Variants in CTNND2 observed in about 807,000 individuals in gnomAD.
The protein encoded by CTNND2 is catenin delta-2.
In CTNND2, 22 loss-of-function variants were observed where a neutral mutation model predicts 144.4. The ratio of observed to expected loss-of-function variants is 0.15; its 90% confidence interval spans 0.11 to 0.22. The LOEUF (loss-of-function observed/expected upper bound fraction) is 0.22. Ranked by LOEUF, CTNND2 falls within the 10% of genes least tolerant of loss-of-function variation. CTNND2 has a pLI of 1.00. For synonymous variants in CTNND2, 751 were observed against 695.6 expected (o/e 1.08, Z -1.25); for missense variants, 1,353 against 1,618.8 (o/e 0.84, Z 2.82).
intron 3 of CTNND2, among the ~76,000 whole-genome samples, chr5:11,537,131 G>T (rs1774280938): frequency 6.6e-6 from 1 of 151,674 alleles, no homozygotes; most frequent in Admixed American, 6.6e-5. Context: ...CAAACCACTG[G>T]GATACAAGCA....
At chr5:11,304,672 C>T (rs550756662) in intron 9 of CTNND2, among the ~76,000 whole-genome samples, 18 of 152,332 alleles carry the variant, frequency 1.2e-4, no homozygotes, top group East Asian at 5.8e-4. Context: ...AGTCTAGCCA[C>T]GTGGCAGCCC....
At chr5:11,634,623 T>C (rs1781587366) in intron 2 of CTNND2, among the ~76,000 whole-genome samples, 2 of 152,210 alleles carry the variant, frequency 1.3e-5, no homozygotes, top group Non-Finnish European at 2.9e-5. Flanking sequence ...TTGAATATTT[T>C]ACTGTTTTGA....
chr5:11,722,973 C>A (rs1315526363), intron 2 of CTNND2, among the ~76,000 whole-genome samples: 1 of 152,036 alleles, frequency 6.6e-6, no homozygotes, highest in Non-Finnish European at 1.5e-5. Context: ...TTTCATCAAG[C>A]ACAAATATGT....
chr5:11,456,317 T>A, intron 3 of CTNND2, among the ~76,000 whole-genome samples: 1 of 114,996 alleles, frequency 8.7e-6, no homozygotes, highest in East Asian at 2.2e-4. Flanking sequence ...TTTTTGATGC[T>A]TTTTTTTTTT....
chr5:11,123,466 A>G lies in CTNND2; in HGVS notation c.2160-5899T>C, dbSNP rs1754346233. 2.6e-5 allele frequency among the ~76,000 whole-genome samples: 4 copies of G among 152,314 alleles called. No homozygotes were observed. In the East Asian group the frequency reaches 5.8e-4, roughly 22 times the overall value. Reference sequence around the variant, plus strand: ...GTAGAGGCAGCCAGGGCTGCTGCTAACCATCCCACAATGCTCAGGACTGCC... The same window carrying G: ...GTAGAGGCAGCCAGGGCTGCTGCTAGCCATCCCACAATGCTCAGGACTGCC... On this transcript the variant is annotated intron_variant, in intron 12 of 21. Coordinates refer to ENST00000304623, the MANE Select transcript of CTNND2 (RefSeq NM_001332.4).
intron 2 of CTNND2, among the ~76,000 whole-genome samples, chr5:11,646,293 C>G (rs965378305): frequency 2.0e-5 from 3 of 152,118 alleles, no homozygotes; most frequent in Admixed American, 6.5e-5. Flanking sequence ...TTCTGAATAG[C>G]CATTACTGGT....
chr5:11,232,181 C>T (rs1741104029), intron 10 of CTNND2, among the ~76,000 whole-genome samples: 1 of 152,208 alleles, frequency 6.6e-6, no homozygotes, highest in Admixed American at 6.5e-5. Flanking sequence ...TCTGCTAGTG[C>T]AGTGAGGAAG....
At chr5:11,195,689 A>G (rs1392112851) in intron 11 of CTNND2, among the ~76,000 whole-genome samples, 1 of 152,274 alleles carries the variant, frequency 6.6e-6, no homozygotes, top group Non-Finnish European at 1.5e-5. Context: ...TAAGTTCTAT[A>G]GTTTAATAAA....
chr5:11,611,502 G>A (rs1174703207), intron 2 of CTNND2, among the ~76,000 whole-genome samples: 2 of 152,290 alleles, frequency 1.3e-5, no homozygotes, highest in East Asian at 3.9e-4. Flanking sequence ...CTTGGGCCAG[G>A]TGCAGTGGCT....
intron 2 of CTNND2, among the ~76,000 whole-genome samples, chr5:11,659,350 T>C (rs561301192): frequency 8.3e-4 from 126 of 152,254 alleles, no homozygotes; most frequent in African/African-American, 2.9e-3. Flanking sequence ...CTGGAACCAA[T>C]CCTCCTCAAA....
intron 2 of CTNND2, among the ~76,000 whole-genome samples, chr5:11,724,713 G>A (rs372856828): frequency 1.3e-5 from 2 of 152,240 alleles, no homozygotes; most frequent in South Asian, 4.2e-4. Context: ...ACTATATGTG[G>A]AATTGTTTGT....
At chr5:11,628,301 C>T (rs954691027) in intron 2 of CTNND2, among the ~76,000 whole-genome samples, 2 of 152,054 alleles carry the variant, frequency 1.3e-5, no homozygotes, top group Non-Finnish European at 2.9e-5. Context: ...GCATATAAGA[C>T]CACAAAATAA....
chr5:11,319,093 A>G (rs1751789094), intron 9 of CTNND2, among the ~76,000 whole-genome samples: 1 of 152,046 alleles, frequency 6.6e-6, no homozygotes, highest in Non-Finnish European at 1.5e-5. Flanking sequence ...ACTCACTTCT[A>G]TGGCTTTCCC....
At chr5:11,269,774 T>C (rs1265335571) in intron 9 of CTNND2, among the ~76,000 whole-genome samples, 1 of 152,016 alleles carries the variant, frequency 6.6e-6, no homozygotes, top group Non-Finnish European at 1.5e-5. Flanking sequence ...TTTACAGGAG[T>C]AAAATCCCTC....
At chr5:11,329,888 G>A (rs916993169) in intron 9 of CTNND2, among the ~76,000 whole-genome samples, 1 of 152,166 alleles carries the variant, frequency 6.6e-6, no homozygotes, top group Admixed American at 6.5e-5. Context: ...TAAGGTTGCT[G>A]AAACAGCTTC....
At chr5:11,704,613 G>GTGA (rs1785608180) in intron 2 of CTNND2, among the ~76,000 whole-genome samples, 1 of 151,984 alleles carries the variant, frequency 6.6e-6, no homozygotes, top group African/African-American at 2.4e-5. Context: ...GTTGGTCCTG[G>GTGA]AGGGCTCCTC....
intron 16 of CTNND2, among the ~76,000 whole-genome samples, chr5:11,033,000 TG>T (rs1357377582): frequency 5.3e-5 from 8 of 152,234 alleles, no homozygotes; most frequent in African/African-American, 1.9e-4. Context: ...GTTAATTTCC[TG>T]ATTTATTGTG....
At chr5:11,737,877 G>A (rs1014599164) in intron 1 of CTNND2, among the ~76,000 whole-genome samples, 4 of 152,190 alleles carry the variant, frequency 2.6e-5, no homozygotes, top group East Asian at 3.8e-4. Flanking sequence ...GTTGACCAGC[G>A]GGGAAGAGAG....
intron 3 of CTNND2, among the ~76,000 whole-genome samples, chr5:11,535,727 CG>C (rs1327368914): frequency 6.6e-6 from 1 of 152,104 alleles, no homozygotes; most frequent in Non-Finnish European, 1.5e-5. Flanking sequence ...TTATACAATT[CG>C]TAAATACATA....
Sources: gnomAD v4.1 joint callset for allele counts (sites outside exome capture counted in the v4.1 genomes callset) on GRCh38, gnomAD v4.1.1 for gene constraint, MANE v1.5 for transcripts, NCBI Gene and HGNC (gene_info 2026-07-23, HGNC 2026-07-21) for gene names.